The following ADGRB3 variants were observed in gnomAD, a reference collection of about 807,000 sequenced individuals.
ADGRB3 encodes adhesion G protein-coupled receptor B3, also known as brain-specific angiogenesis inhibitor 3.
A neutral mutation model predicts 193.4 loss-of-function variants in ADGRB3; 37 were observed. The observed-to-expected ratio is 0.19, with a 90% CI of 0.15 to 0.25. The LOEUF (loss-of-function observed/expected upper bound fraction) is 0.25. Ranked by LOEUF, ADGRB3 falls within the 10% of genes least tolerant of loss-of-function variation. The pLI, the probability that ADGRB3 is intolerant of heterozygous loss-of-function variation, is 1.00. For missense variants in ADGRB3, 1,637 were observed against 1,852.9 expected (o/e 0.88, Z 2.14); for synonymous variants, 690 against 644.2 (o/e 1.07, Z -1.08).
chr6:69,049,755 G>T (rs1204422483), intron 15 of ADGRB3, among the ~76,000 whole-genome samples: 1 of 152,056 alleles, frequency 6.6e-6, no homozygotes, highest in Non-Finnish European at 1.5e-5. Context: ...GGAAAACATG[G>T]TATTGTTTAT....
chr6:69,320,816 C>CGTGTGTGTGTGTGT (rs1175461597), intron 20 of ADGRB3, among the ~76,000 whole-genome samples: 1 of 110,508 alleles, frequency 9.0e-6, no homozygotes, highest in African/African-American at 3.6e-5. Context: ...TGTGCTTGTG[C>CGTGTGTGTGTGTGT]ATGTGTGTAT....
In ADGRB3 at chr6:69,028,331, G is replaced by GT. The variant is rs532671891; in HGVS notation, c.2107+9839dup. On this transcript the variant is annotated intron_variant, in intron 13 of 31. Coordinates refer to ENST00000370598, the MANE Select transcript of ADGRB3 (RefSeq NM_001704.3). ...TCCATTCTTTTGAAAGCTGTTTTCG[G>GT]TTTTTTTGTTTGTTTGTTTTTGTTT... Among the ~76,000 whole-genome samples, 14 of 152,156 alleles carry GT rather than the reference G, an allele frequency of 9.2e-5. No homozygotes were observed. In the East Asian group the frequency reaches 2.3e-3, roughly 25 times the overall value.
intron 17 of ADGRB3, among the ~76,000 whole-genome samples, chr6:69,095,994 A>T (rs1772865372): frequency 6.6e-6 from 1 of 152,210 alleles, no homozygotes; most frequent in Non-Finnish European, 1.5e-5. Flanking sequence ...AGAGGCCTAG[A>T]ATACCTTTAA....
At chr6:69,220,967 G>A (rs1169839116) in intron 17 of ADGRB3, among the ~76,000 whole-genome samples, 1 of 151,826 alleles carries the variant, frequency 6.6e-6, no homozygotes, top group Non-Finnish European at 1.5e-5. Flanking sequence ...GTAGGTTTCA[G>A]ATTTCTTAAT....
At chr6:68,945,851 T>A (rs940746888) in intron 6 of ADGRB3, among the ~76,000 whole-genome samples, 4 of 152,158 alleles carry the variant, frequency 2.6e-5, no homozygotes, top group Admixed American at 6.6e-5. Flanking sequence ...GTTGTGGAAC[T>A]TTATCACTCA....
At chr6:69,216,950 C>CTA (rs1765782687) in intron 17 of ADGRB3, among the ~76,000 whole-genome samples, 1 of 152,160 alleles carries the variant, frequency 6.6e-6, no homozygotes, top group South Asian at 2.1e-4. Context: ...GAATGCTGTC[C>CTA]TACCTGTAAC....
chr6:68,884,082 T>C (rs1057291414), intron 3 of ADGRB3, among the ~76,000 whole-genome samples: 2 of 152,228 alleles, frequency 1.3e-5, no homozygotes, highest in African/African-American at 2.4e-5. Context: ...CTGAGCTCCT[T>C]CTCTCTCTTG....
chr6:69,351,343 T>C (rs1769222440), intron 26 of ADGRB3, among the ~76,000 whole-genome samples: 1 of 152,000 alleles, frequency 6.6e-6, no homozygotes, highest in African/African-American at 2.4e-5. Flanking sequence ...TCCGCCCGCC[T>C]TGCCTCCCAA....
chr6:68,684,826 A>T (rs1764953754), intron 3 of ADGRB3, among the ~76,000 whole-genome samples: 1 of 152,150 alleles, frequency 6.6e-6, no homozygotes, highest in East Asian at 1.9e-4. Flanking sequence ...CACTCAAATC[A>T]CCATATATTC....
chr6:68,988,128 A>T (rs181166134), intron 10 of ADGRB3, among the ~76,000 whole-genome samples: 12 of 152,262 alleles, frequency 7.9e-5, no homozygotes, highest in African/African-American at 2.4e-4. Flanking sequence ...TGTGTGTCAC[A>T]TAGCGTTTTA....
At chr6:69,033,348 G>T (rs565076833) in intron 13 of ADGRB3, among the ~76,000 whole-genome samples, 2 of 152,106 alleles carry the variant, frequency 1.3e-5, no homozygotes, top group Admixed American at 1.3e-4. Flanking sequence ...CTTTAATTTT[G>T]TATTTTTTTC....
At chr6:68,742,321 A>G (rs369491712) in intron 3 of ADGRB3, among the ~76,000 whole-genome samples, 2 of 152,166 alleles carry the variant, frequency 1.3e-5, no homozygotes, top group Non-Finnish European at 2.9e-5. Context: ...ATATGAATGG[A>G]AATTTAATCC....
At chr6:69,339,656 G>C in intron 26 of ADGRB3, 152 bp downstream of exon 26, 1 of 997,568 alleles carries the variant, frequency 1.0e-6, no homozygotes, top group Non-Finnish European at 1.5e-6. Context: ...AATGCTTTAA[G>C]ACACAGCTTG....
chr6:69,342,229 T>A (rs1768989025), intron 26 of ADGRB3, among the ~76,000 whole-genome samples: 1 of 152,174 alleles, frequency 6.6e-6, no homozygotes, highest in Non-Finnish European at 1.5e-5. Context: ...TATGGATACA[T>A]CTCTGTTGTT....
intron 20 of ADGRB3, among the ~76,000 whole-genome samples, chr6:69,271,649 C>G (rs1767182079): frequency 6.6e-6 from 1 of 152,084 alleles, no homozygotes. Context: ...CTAACTTGTT[C>G]TAAGTCAGAA....
chr6:69,245,057 G>A (rs1766468378), intron 20 of ADGRB3, among the ~76,000 whole-genome samples: 1 of 151,934 alleles, frequency 6.6e-6, no homozygotes. Flanking sequence ...TGCCTTTTCT[G>A]TAGTCTCCAA....
intron 30 of ADGRB3, among the ~76,000 whole-genome samples, chr6:69,377,812 CAG>C (rs1313672488): frequency 6.6e-6 from 1 of 152,062 alleles, no homozygotes; most frequent in Non-Finnish European, 1.5e-5. Flanking sequence ...AATCTGTAAA[CAG>C]TTTTTTCTAA....
At chr6:69,200,305 T>G (rs567198490) in intron 17 of ADGRB3, among the ~76,000 whole-genome samples, 3 of 152,088 alleles carry the variant, frequency 2.0e-5, no homozygotes, top group Non-Finnish European at 4.4e-5. Flanking sequence ...ATTCTAGATA[T>G]CATATTCTTG....
chr6:69,171,885 A>G (rs1348195360), intron 17 of ADGRB3, among the ~76,000 whole-genome samples: 6 of 152,172 alleles, frequency 3.9e-5, no homozygotes, highest in Non-Finnish European at 8.8e-5. Context: ...TTGATTCTAC[A>G]TTGCCACACA....
Sources: gnomAD v4.1 joint callset for allele counts (sites outside exome capture counted in the v4.1 genomes callset) on GRCh38, gnomAD v4.1.1 for gene constraint, MANE v1.5 for transcripts, NCBI Gene and HGNC (gene_info 2026-07-23, HGNC 2026-07-21) for gene names.